The following SMTN variants were observed in gnomAD, a reference collection of about 807,000 sequenced individuals.
SMTN encodes the protein smoothelin.
In SMTN, 58 loss-of-function variants were observed where a neutral mutation model predicts 102.0. That is an observed-to-expected ratio of 0.57 (90% CI 0.46 to 0.71). The LOEUF (loss-of-function observed/expected upper bound fraction) is 0.71, where lower values mean the gene tolerates loss of function less well. Among genes scored for constraint, SMTN ranks in the 30% least tolerant of loss-of-function variants. The probability of loss-of-function intolerance (pLI) is 0.00; values close to 1 mark genes in which losing one functional copy is unlikely to be tolerated. For missense variants in SMTN, 1,185 were observed against 1,241.7 expected (o/e 0.95, Z 0.69); for synonymous variants, 478 against 497.9 (o/e 0.96, Z 0.53).
At chr22:31,067,108 TC>T (rs1461927969) in intron 1 of SMTN, 5 of 135,938 alleles carry the variant, frequency 3.7e-5, no homozygotes, top group African/African-American at 1.4e-4. Context: ...ACAGAGTCTG[TC>T]TCTGTTGCCC....
At chr22:31,071,106 G>A (rs74324324) in intron 1 of SMTN, among the ~76,000 whole-genome samples, 17,893 of 151,712 alleles carry the variant, frequency 0.12, 1,133 homozygotes, top group African/African-American at 0.13. Flanking sequence ...CAGACATGGT[G>A]GTGTGTGCCT....
intron 8 of SMTN, 147 bp downstream of exon 8, chr22:31,090,327 G>C: frequency 1.5e-6 from 1 of 655,196 alleles, no homozygotes; most frequent in South Asian, 2.0e-5. Flanking sequence ...CACCCCTGAA[G>C]TGTCCCCGCC....
chr22:31,089,192 C>T (rs767236419), intron 6 of SMTN, among the ~76,000 whole-genome samples: 1 of 152,232 alleles, frequency 6.6e-6, no homozygotes, highest in South Asian at 2.1e-4. Flanking sequence ...TCCACACAGC[C>T]CACATCTTTA....
chr22:31,094,982 C>T (rs527544270), intron 11 of SMTN, among the ~76,000 whole-genome samples: 7 of 152,324 alleles, frequency 4.6e-5, no homozygotes, highest in South Asian at 2.1e-4. Context: ...CCACTGCGCC[C>T]GGCCTTCCCT....
chr22:31,089,317 C>T (rs1040998280), intron 6 of SMTN, among the ~76,000 whole-genome samples: 14 of 152,156 alleles, frequency 9.2e-5, no homozygotes, highest in Non-Finnish European at 1.8e-4. Context: ...CAGCAGAGGC[C>T]GCTGGGTCCA....
At chr22:31,093,302 G>A (rs2043277283) in intron 11 of SMTN, 1 of 293,542 alleles carries the variant, frequency 3.4e-6, no homozygotes, top group African/African-American at 2.3e-5. Flanking sequence ...CAGCTGGCTG[G>A]TGGCGGGCTG....
intron 1 of SMTN, chr22:31,065,392 A>G (rs1164772253): frequency 6.6e-6 from 1 of 152,154 alleles, no homozygotes; most frequent in Non-Finnish European, 1.5e-5. Flanking sequence ...TCTGTCACCC[A>G]GGGTGGAGTG....
intron 18 of SMTN, chr22:31,099,416 G>T: frequency 3.4e-6 from 2 of 591,036 alleles, no homozygotes; most frequent in East Asian, 5.6e-5. Context: ...AGGGTTCAAG[G>T]CCGGATCCCA....
rs1265622071 is a variant in SMTN at position 31,089,966 on chromosome 22, G to A, written c.739G>A (p.Glu247Lys). 1.7e-5 allele frequency: 27 copies of A among 1,599,562 alleles called. No homozygotes were observed. Among genetic ancestry groups the A allele is most frequent in the Non-Finnish European group, 2.3e-5 (27 of 1,172,942 alleles). The stretch of plus-strand genomic sequence containing the variant: ...CAGCCCACCCAAGACCACCAGCCCT[G>A]AGCCTCAGGAGTCTCCAACGCTCCC... Reference protein sequence around the residue: ...PPSPPKTTSPEPQESPTLPST... With the variant: ...PPSPPKTTSPKPQESPTLPST... Residue 247 changes from glutamate to lysine, a missense_variant, in exon 7 of 21, where the codon GAG becomes AAG. This residue lies in a region of SMTN where 1,096 missense variants were observed against 1,112.7 expected (regional missense o/e 0.98). Transcript: ENST00000333137.
chr22:31,088,628 G>A, intron 4 of SMTN, 22 bp downstream of exon 4: 2 of 1,612,946 alleles, frequency 1.2e-6, no homozygotes, highest in Non-Finnish European at 1.7e-6. Flanking sequence ...GCTGGGGCAG[G>A]GGATGGGGGC....
Position 31,099,736 on chromosome 22 carries a change from G to A in SMTN, c.2452-9G>A, listed in dbSNP as rs767368461. On this transcript the variant is annotated splice_polypyrimidine_tract_variant and intron_variant, in intron 18 of 20. Transcript: ENST00000333137. ...CCAGGTTCCTGACCAGTCCTCCTACGGCTTATAGCACGTCGACATCCAGAA... is the reference window on the plus strand; with the variant it reads ...CCAGGTTCCTGACCAGTCCTCCTACAGCTTATAGCACGTCGACATCCAGAA... 1.2e-5 allele frequency: 20 copies of A among 1,613,416 alleles called. No homozygotes were observed. Among genetic ancestry groups the A allele is most frequent in the East Asian group, 2.2e-5 (1 of 44,888 alleles).
rs371795223 is a variant in SMTN at position 31,098,620 on chromosome 22, G to T, written c.2160-47G>T. The stretch of plus-strand genomic sequence containing the variant: ...CTCGCGAGTGGTGGTCCAGGCTGGG[G>T]AGCAGCCCTGCTCTCCCTGCCTAAC... On this transcript the variant is annotated intron_variant, in intron 16 of 20. Transcript: ENST00000333137. The T allele has an allele frequency of 6.3e-5, 101 of 1,593,234 alleles. No individual in the cohort carries two copies. In the African/African-American group the frequency reaches 1.2e-3, roughly 18 times the overall value.
intron 11 of SMTN, chr22:31,092,342 G>A: frequency 2.3e-6 from 1 of 434,378 alleles, no homozygotes; most frequent in South Asian, 1.7e-5. Context: ...CTCCCTGTGG[G>A]GGTTGGGCAG....
chr22:31,072,652 G>A (rs1170168464), intron 1 of SMTN, among the ~76,000 whole-genome samples: 13 of 152,098 alleles, frequency 8.5e-5, no homozygotes, highest in Admixed American at 6.6e-4. Flanking sequence ...AGTACAGACA[G>A]GGTTTCACCA....
At chr22:31,075,943 C>A (rs2042117297) in intron 1 of SMTN, among the ~76,000 whole-genome samples, 2 of 152,194 alleles carry the variant, frequency 1.3e-5, no homozygotes, top group Non-Finnish European at 2.9e-5. Context: ...CCATGGGGGA[C>A]CCCAGGCCCC....
At chr22:31,065,325 T>G (rs896436942) in intron 1 of SMTN, 1 of 152,122 alleles carries the variant, frequency 6.6e-6, no homozygotes, top group African/African-American at 2.4e-5. Context: ...CATGCAAAAA[T>G]GTAAATTTCT....
intron 1 of SMTN, 143 bp from the exon 2 acceptor site, chr22:31,083,036 G>A (rs1452976557): frequency 2.1e-6 from 3 of 1,406,444 alleles, no homozygotes; most frequent in Non-Finnish European, 3.0e-6. Context: ...TAGGGCAGAG[G>A]GCAGCTTCCA....
rs1159246299 is a variant in SMTN, at chr22:31,085,056, T to G, written c.51+1747T>G. 3.3e-6 allele frequency: 5 copies of G among 1,529,758 alleles called. No individual in the cohort carries two copies. The East Asian group carries it at 1.2e-4, about 38-fold the overall frequency. 94.8% of individuals were successfully genotyped at this position (1,529,758 alleles called of 1,614,324 possible). A position where few individuals can be genotyped will look rare whatever the true frequency, so the allele number is the denominator to read the frequency against. On this transcript the variant is annotated intron_variant, in intron 2 of 20. Coordinates refer to ENST00000333137, the MANE Select transcript of SMTN (RefSeq NM_134269.3). ...TCCGGCCCCGGCTCCCGCACATTCT[T>G]GAGGATTGGGCCGGGGATGGGAGGA...
chr22:31,091,777 T>C lies in SMTN; in HGVS notation c.1562T>C (p.Leu521Pro), dbSNP rs753778462. ...AACAGCCCTGGGACCCTGGCTCGGC[T>C]GGGCAGTGTCACTCATGTCACCAGC... ...RVNSPGTLAR[L>P]GSVTHVTSFS... The change falls in exon 11 of 21, where the codon CTG (leucine) becomes CCG (proline). Residue 521 changes from leucine (L) to proline (P), a missense_variant. Transcript: ENST00000333137. The C allele has an allele frequency of 6.2e-7, 1 of 1,610,486 alleles. No individual in the cohort carries two copies. Among genetic ancestry groups the C allele is most frequent in the Non-Finnish European group, 8.5e-7 (1 of 1,178,408 alleles).
Sources: gnomAD v4.1 joint callset for allele counts (sites outside exome capture counted in the v4.1 genomes callset) on GRCh38, gnomAD v4.1.1 for gene constraint, gnomAD v4.1.1 regional missense constraint, MANE v1.5 for transcripts, NCBI Gene and HGNC (gene_info 2026-07-23, HGNC 2026-07-21) for gene names.